The following SPATA13 variants were observed in gnomAD, a reference collection of about 807,000 sequenced individuals.
SPATA13 encodes the protein spermatogenesis-associated protein 13.
SPATA13 carries 50 observed loss-of-function variants against 104.0 expected under a neutral mutation model. The ratio of observed to expected loss-of-function variants is 0.48; its 90% CI spans 0.38 to 0.61. The LOEUF (loss-of-function observed/expected upper bound fraction) is 0.61. Among genes scored for constraint, SPATA13 ranks in the 20% least tolerant of loss-of-function variants. The pLI is 0.00. For missense variants in SPATA13, 1,524 were observed against 1,690.6 expected, an observed-to-expected ratio of 0.90 and a Z score of 1.73; for synonymous variants, 606 against 667.5, an observed-to-expected ratio of 0.91 and a Z score of 1.42.
Position 24,207,889 on chromosome 13 carries a change from T to TAA in SPATA13, c.-111-14929_-111-14928insAA, listed in dbSNP as rs1479192384. 3.3e-5 allele frequency among the ~76,000 whole-genome samples: 5 copies of TAA among 152,302 alleles called. No homozygotes were observed. In the South Asian group the frequency reaches 1.0e-3, roughly 32 times the overall value. The stretch of plus-strand genomic sequence containing the variant: ...CCTGTCACTTTCTATGGTGTGATCT[T>TAA]AGGACCTAACCTCAGATTCTTGCAT... On this transcript the variant is annotated intron_variant, in intron 1 of 12. Coordinates refer to ENST00000382108, the MANE Select transcript of SPATA13 (RefSeq NM_001166271.3).
chr13:24,135,218 G>GAA (rs34924085), intron 3 of SPATA13, among the ~76,000 whole-genome samples: 7 of 106,382 alleles, frequency 6.6e-5, no homozygotes, highest in East Asian at 2.6e-4. Context: ...CTCATTATTC[G>GAA]AAAAAAAAAA....
chr13:24,228,030 G>A (rs114834354), intron 2 of SPATA13, among the ~76,000 whole-genome samples: 9,616 of 151,008 alleles, frequency 0.064, 1,059 homozygotes, highest in African/African-American at 0.22. Context: ...TCAGCCTCCC[G>A]ATTAGCTAGG....
At chr13:24,121,729 T>C (rs2137824935) in intron 3 of SPATA13, among the ~76,000 whole-genome samples, 1 of 152,318 alleles carries the variant, frequency 6.6e-6, no homozygotes, top group Admixed American at 6.5e-5. Flanking sequence ...TATTCTTTCC[T>C]CAGAAAAAGA....
chr13:24,241,833 C>A (rs1872851515), intron 2 of SPATA13, among the ~76,000 whole-genome samples: 1 of 152,154 alleles, frequency 6.6e-6, no homozygotes, highest in Admixed American at 6.5e-5. Context: ...GGGAGGACTG[C>A]CTGAGCCCAG....
chr13:24,243,048 C>T (rs1273974286), intron 2 of SPATA13, among the ~76,000 whole-genome samples: 1 of 152,118 alleles, frequency 6.6e-6, no homozygotes, highest in Non-Finnish European at 1.5e-5. Flanking sequence ...AAGACTGATA[C>T]CCTAGGATAC....
chr13:24,018,023 T>C (rs1440009416), intron 3 of SPATA13, among the ~76,000 whole-genome samples: 1 of 152,218 alleles, frequency 6.6e-6, no homozygotes, highest in African/African-American at 2.4e-5. Context: ...CCAATCCATT[T>C]ATAGGCAAAC....
At chr13:24,226,164 A>C (rs889387812) in intron 2 of SPATA13, among the ~76,000 whole-genome samples, 1 of 152,204 alleles carries the variant, frequency 6.6e-6, no homozygotes, top group Non-Finnish European at 1.5e-5. Context: ...GCATCAAGGA[A>C]GTTCTCACTC....
rs1566076489 is a variant in SPATA13, at chr13:24,024,379, ATG to A, written c.-112+6679_-112+6680del. ...GACGGATGGATGGATGGATGGATGG[ATG>A]GATAGATGGAATGAAGGAATGATGA... On this transcript the variant is annotated intron_variant, in intron 3 of 14. Transcript: ENST00000424834. 5.3e-4 allele frequency among the ~76,000 whole-genome samples: 81 copies of A among 152,134 alleles called. No homozygotes were observed. In the East Asian group the frequency reaches 0.015, roughly 29 times the overall value.
At chr13:24,087,293 A>G (rs1349807740) in intron 3 of SPATA13, among the ~76,000 whole-genome samples, 1 of 152,088 alleles carries the variant, frequency 6.6e-6, no homozygotes, top group Non-Finnish European at 1.5e-5. Flanking sequence ...AAAGCCTGCT[A>G]CCCACCCCCT....
chr13:24,269,193 G>A (rs995965759), intron 4 of SPATA13, among the ~76,000 whole-genome samples: 4 of 152,160 alleles, frequency 2.6e-5, no homozygotes, highest in Non-Finnish European at 5.9e-5. Flanking sequence ...GATTGGTGCT[G>A]CAGTTATCCC....
rs764475375 is a variant in SPATA13 at position 24,286,943 on chromosome 13, T to C, written c.2660T>C (p.Ile887Thr). 1.9e-6 allele frequency: 3 copies of C among 1,612,726 alleles called. No homozygotes were observed. Among genetic ancestry groups the C allele is most frequent in the Non-Finnish European group, 2.5e-6 (3 of 1,179,312 alleles). Residue 887 changes from isoleucine to threonine, a missense_variant, in exon 7 of 13, where the codon ATC (isoleucine) becomes ACC (threonine). Physicochemically the swap from Ile to Thr is moderately conservative, Grantham distance 89. This residue lies in a region of SPATA13 where 435 missense variants were observed against 554.8 expected (regional missense o/e 0.78). Transcript: ENST00000382108. The surrounding 1 kb of genome is among the most constrained non-coding windows in gnomAD (Gnocchi z 4.9). Reference protein sequence around the residue: ...ERVYIKHLRDICEGYIRQCRK... With the variant: ...ERVYIKHLRDTCEGYIRQCRK... ...GTGTACATCAAACACCTCAGGGACA[T>C]CTGTGAGGTGGGACGCCAGGCTGGG...
At chr13:24,109,044 C>A (rs1299741807) in intron 3 of SPATA13, among the ~76,000 whole-genome samples, 1 of 152,040 alleles carries the variant, frequency 6.6e-6, no homozygotes, top group Non-Finnish European at 1.5e-5. Context: ...ACATGTGCCA[C>A]GTTGGTTTGC....
intron 1 of SPATA13, among the ~76,000 whole-genome samples, chr13:24,180,223 G>A (rs750409471): frequency 2.6e-5 from 4 of 152,160 alleles, no homozygotes; most frequent in Admixed American, 6.5e-5. Context: ...AAATGCATTT[G>A]TCCCAGTGTC....
intron 1 of SPATA13, among the ~76,000 whole-genome samples, chr13:24,219,616 C>CTTTAT (rs1871457997): frequency 6.6e-6 from 1 of 152,154 alleles, no homozygotes; most frequent in African/African-American, 2.4e-5. Flanking sequence ...TTGAAGGCAG[C>CTTTAT]CATATAAAGC....
At chr13:24,117,293 A>T (rs1021398928) in intron 3 of SPATA13, among the ~76,000 whole-genome samples, 3 of 152,082 alleles carry the variant, frequency 2.0e-5, no homozygotes, top group Non-Finnish European at 4.4e-5. Context: ...GTCTGATGTT[A>T]ATTTTAGGAA....
At chr13:24,208,402 G>T (rs1409789628) in intron 1 of SPATA13, among the ~76,000 whole-genome samples, 1 of 152,212 alleles carries the variant, frequency 6.6e-6, no homozygotes, top group Non-Finnish European at 1.5e-5. Flanking sequence ...TGTGCCTGAG[G>T]AATATTGAAG....
intron 1 of SPATA13, among the ~76,000 whole-genome samples, chr13:24,167,745 T>A (rs1882805864): frequency 6.6e-6 from 1 of 152,226 alleles, no homozygotes; most frequent in Non-Finnish European, 1.5e-5. Flanking sequence ...TCTTCTAGGG[T>A]CTAAATTTCA....
At chr13:24,108,661 G>GC (rs34932858) in intron 3 of SPATA13, among the ~76,000 whole-genome samples, 1 of 149,734 alleles carries the variant, frequency 6.7e-6, no homozygotes, top group East Asian at 2.1e-4. Flanking sequence ...TTTCATGGTA[G>GC]GGGGGGGGAA....
intron 1 of SPATA13, among the ~76,000 whole-genome samples, chr13:24,170,693 A>G (rs1288300472): frequency 6.6e-6 from 1 of 152,128 alleles, no homozygotes; most frequent in Non-Finnish European, 1.5e-5. Flanking sequence ...TGGCGTAAAA[A>G]GATCATTATG....
Sources: allele counts gnomAD v4.1 joint callset (sites outside exome capture counted in the v4.1 genomes callset), GRCh38; gene constraint gnomAD v4.1.1; regional missense constraint gnomAD v4.1.1; non-coding constraint Gnocchi (gnomAD v3.1); transcripts MANE v1.5; gene names NCBI Gene and HGNC (gene_info 2026-07-23, HGNC 2026-07-21).